The following EBF2 variants were observed in gnomAD, a reference collection of about 807,000 sequenced individuals.
EBF2 encodes the protein EBF transcription factor 2, also known as transcription factor COE2.
In EBF2, 21 loss-of-function variants were observed where a neutral mutation model predicts 72.8. The observed-to-expected ratio is 0.29, with a 90% CI of 0.20 to 0.42. The LOEUF is 0.42. Ranked by LOEUF, EBF2 falls within the 10% of genes least tolerant of loss-of-function variation. The probability of loss-of-function intolerance (pLI) is 1.00; values close to 1 mark genes in which losing one functional copy is unlikely to be tolerated. For synonymous variants in EBF2, 299 were observed against 274.2 expected (o/e 1.09, Z -0.89); for missense variants, 637 against 731.2 (o/e 0.87, Z 1.49).
At chr8:26,009,664 T>C (rs1274479577) in intron 6 of EBF2, among the ~76,000 whole-genome samples, 1 of 152,216 alleles carries the variant, frequency 6.6e-6, no homozygotes, top group Non-Finnish European at 1.5e-5. Flanking sequence ...GTGTGGTATC[T>C]ACTACATTAT....
In EBF2 at chr8:26,040,119, G is replaced by T. The variant is rs1805573559; in HGVS notation, c.409-18C>A. On this transcript the variant is annotated intron_variant, in intron 4 of 15. Transcript: ENST00000520164. The stretch of plus-strand genomic sequence containing the variant: ...GCGATGGGCTGTGAAGGAGGTAGTG[G>T]CAGGAAAGGAAGATGTGGAGAGGGG... The T allele has an allele frequency of 6.2e-7, 1 of 1,612,840 alleles. No homozygotes were observed.
At chr8:25,908,604 G>A (rs1585191569) in intron 6 of EBF2, 49 bp from the exon 7 acceptor site, 1 of 1,241,176 alleles carries the variant, frequency 8.1e-7, no homozygotes. Context: ...CATTTTTAAA[G>A]GGAGAATATA....
chr8:25,914,181 A>G (rs1396894875), intron 6 of EBF2, among the ~76,000 whole-genome samples: 1 of 152,198 alleles, frequency 6.6e-6, no homozygotes, highest in Non-Finnish European at 1.5e-5. Flanking sequence ...CCTCATAGCA[A>G]CTCACTCTGC....
chr8:25,869,400 G>T (rs777477316), intron 10 of EBF2, among the ~76,000 whole-genome samples: 19 of 152,128 alleles, frequency 1.2e-4, no homozygotes, highest in Non-Finnish European at 2.4e-4. Flanking sequence ...TCCTAAGGGG[G>T]AATGAGGAGG....
intron 6 of EBF2, among the ~76,000 whole-genome samples, chr8:25,965,758 G>C (rs893346263): frequency 1.3e-5 from 2 of 152,174 alleles, no homozygotes; most frequent in Non-Finnish European, 2.9e-5. Context: ...TAGGGCCCTA[G>C]AGTCACCTCT....
chr8:25,918,536 T>G (rs1438144683), intron 6 of EBF2, among the ~76,000 whole-genome samples: 1 of 152,224 alleles, frequency 6.6e-6, no homozygotes, highest in Non-Finnish European at 1.5e-5. Flanking sequence ...ATAATTAGAC[T>G]AATCCTGCAT....
intron 10 of EBF2, among the ~76,000 whole-genome samples, chr8:25,882,634 T>C (rs1177576039): frequency 6.6e-6 from 1 of 152,222 alleles, no homozygotes; most frequent in African/African-American, 2.4e-5. Flanking sequence ...CCAGGCACTG[T>C]ATCATTTAGT....
intron 6 of EBF2, among the ~76,000 whole-genome samples, chr8:26,012,910 T>C (rs1490804569): frequency 6.6e-6 from 1 of 152,166 alleles, no homozygotes; most frequent in Non-Finnish European, 1.5e-5. Flanking sequence ...ACCTACTAGG[T>C]GTTAGGCATT....
At chr8:25,967,324 T>C (rs1363283902) in intron 6 of EBF2, among the ~76,000 whole-genome samples, 2 of 152,238 alleles carry the variant, frequency 1.3e-5, no homozygotes, top group African/African-American at 2.4e-5. Flanking sequence ...CATGTACAGA[T>C]GCTCCTCAAC....
intron 15 of EBF2, among the ~76,000 whole-genome samples, chr8:25,847,427 G>C (rs147786295): frequency 1.3e-4 from 20 of 152,234 alleles, no homozygotes; most frequent in Non-Finnish European, 2.6e-4. Context: ...CTCTCTCTCT[G>C]TACTCAAGGG....
At chr8:25,887,326 T>A (rs565652930) in intron 9 of EBF2, among the ~76,000 whole-genome samples, 37 of 152,334 alleles carry the variant, frequency 2.4e-4, no homozygotes, top group African/African-American at 7.5e-4. Flanking sequence ...ATCTGGCAAG[T>A]GCCAACCCCA....
At chr8:25,845,761 A>G (rs1218741803) in intron 15 of EBF2, among the ~76,000 whole-genome samples, 1 of 152,200 alleles carries the variant, frequency 6.6e-6, no homozygotes, top group Non-Finnish European at 1.5e-5. Flanking sequence ...TTCTTAGAAA[A>G]TGGCAGAATA....
intron 6 of EBF2, among the ~76,000 whole-genome samples, chr8:25,941,714 G>A (rs553987542): frequency 2.0e-5 from 3 of 152,174 alleles, no homozygotes; most frequent in South Asian, 2.1e-4. Flanking sequence ...AGCAGTCCTG[G>A]ACCACTGGCT....
chr8:25,893,613 A>T (rs1396223937), intron 7 of EBF2, among the ~76,000 whole-genome samples: 1 of 152,132 alleles, frequency 6.6e-6, no homozygotes, highest in Non-Finnish European at 1.5e-5. Context: ...TCCTAGGCAC[A>T]CTAAGGGGAA....
chr8:25,861,196 C>A lies in EBF2; in HGVS notation c.1195G>T (p.Ala399Ser), dbSNP rs1802206245. 1 of 1,613,604 alleles carries A rather than the reference C, an allele frequency of 6.2e-7. No homozygotes were observed. The highest frequency in any genetic ancestry group is 8.5e-7 in the Non-Finnish European group (1 of 1,179,698). Residue 399 changes from alanine to serine, a missense_variant, in exon 13 of 16, where the codon GCT becomes TCT. Transcript: ENST00000520164. ...CTGGGGACGCTGTAGAGAGCTTCAG[C>A]AATGTCTGCGGCTCGCTTCAAAATG... ...DIILKRAADI[A>S]EALYSVPRNP... is the part of the protein sequence containing the mutation.
At chr8:25,979,424 C>T (rs1225987185) in intron 6 of EBF2, among the ~76,000 whole-genome samples, 1 of 152,132 alleles carries the variant, frequency 6.6e-6, no homozygotes, top group Non-Finnish European at 1.5e-5. Flanking sequence ...ATGGCTGTGG[C>T]GTGCTGCGTA....
At position 25,889,735 on chromosome 8, in the gene EBF2, AGCG is replaced by A. The variant is rs767126750; in HGVS notation, c.751+14_751+16del. The A allele has an allele frequency of 2.5e-6, 4 of 1,589,896 alleles. No individual in the cohort carries two copies. In the South Asian group the frequency reaches 3.3e-5, roughly 13 times the overall value. Reference sequence around the variant, plus strand: ...AGAATTTCATGTGTCTGCTATGCTGAGCGCAGGCAGCCCTACCTTCCGATGGAT... The same window carrying A: ...AGAATTTCATGTGTCTGCTATGCTGACAGGCAGCCCTACCTTCCGATGGAT... On this transcript the variant is annotated intron_variant, in intron 8 of 15. Transcript: ENST00000520164.
chr8:25,906,113 A>T (rs1383257414), intron 7 of EBF2, among the ~76,000 whole-genome samples: 1 of 152,246 alleles, frequency 6.6e-6, no homozygotes, highest in Non-Finnish European at 1.5e-5. Context: ...CTTTGTGAAT[A>T]TATTCCTAAA....
At chr8:25,869,916 G>T (rs1802403203) in intron 10 of EBF2, among the ~76,000 whole-genome samples, 1 of 152,176 alleles carries the variant, frequency 6.6e-6, no homozygotes, top group South Asian at 2.1e-4. Flanking sequence ...AAGTGGTAAA[G>T]GTGGGATCTG....
Sources: allele counts gnomAD v4.1 joint callset (sites outside exome capture counted in the v4.1 genomes callset), GRCh38; gene constraint gnomAD v4.1.1; transcripts MANE v1.5; gene names NCBI Gene and HGNC (gene_info 2026-07-23, HGNC 2026-07-21).